SLC8A1: variants seen among roughly 807,000 people sequenced by gnomAD.
SLC8A1 encodes solute carrier family 8 member A1, also known as sodium/calcium exchanger 1.
Under a neutral mutation model 68.3 loss-of-function variants are expected in SLC8A1, and 18 were observed. The ratio of observed to expected loss-of-function variants is 0.26; its 90% CI spans 0.18 to 0.39. The LOEUF is 0.39. Ranked by LOEUF, SLC8A1 falls within the 10% of genes least tolerant of loss-of-function variation. The probability of loss-of-function intolerance (pLI) is 1.00; values close to 1 mark genes in which losing one functional copy is unlikely to be tolerated. For missense variants in SLC8A1, 985 were observed against 1,156.7 expected, an observed-to-expected ratio of 0.85 and a Z score of 2.15; for synonymous variants, 475 against 415.5, an observed-to-expected ratio of 1.14 and a Z score of -1.74.
intron 2 of SLC8A1, among the ~76,000 whole-genome samples, chr2:40,291,903 C>G (rs1309788022): frequency 1.4e-5 from 2 of 138,242 alleles, no homozygotes; most frequent in Non-Finnish European, 3.2e-5. Context: ...GACATCTTTA[C>G]TTTTTTTTTT....
intron 6 of SLC8A1, among the ~76,000 whole-genome samples, chr2:40,144,509 T>C (rs1325975059): frequency 2.0e-5 from 3 of 152,026 alleles, no homozygotes; most frequent in Non-Finnish European, 4.4e-5. Flanking sequence ...TATCACATAT[T>C]GATTCGAAGT....
At chr2:40,240,638 C>A (rs184676577) in intron 2 of SLC8A1, among the ~76,000 whole-genome samples, 24 of 152,306 alleles carry the variant, frequency 1.6e-4, no homozygotes, top group African/African-American at 4.6e-4. Context: ...CTATGCAAAG[C>A]CATATAAATC....
At chr2:40,366,872 C>G (rs1283356548) in intron 2 of SLC8A1, among the ~76,000 whole-genome samples, 2 of 151,772 alleles carry the variant, frequency 1.3e-5, no homozygotes, top group Non-Finnish European at 2.9e-5. Context: ...GAGAATGTGG[C>G]AGCAATCCCA....
chr2:40,288,663 A>G (rs1465334057), intron 2 of SLC8A1, among the ~76,000 whole-genome samples: 1 of 151,970 alleles, frequency 6.6e-6, no homozygotes, highest in African/African-American at 2.4e-5. Flanking sequence ...TCATCCGCAT[A>G]GTATTTACAT....
At chr2:40,170,505 G>C (rs1573508721) in intron 4 of SLC8A1, among the ~76,000 whole-genome samples, 156 bp from the exon 7 acceptor site, 1 of 152,314 alleles carries the variant, frequency 6.6e-6, no homozygotes, top group Non-Finnish European at 1.5e-5. Context: ...CCCCTAGGTA[G>C]GTCACAGAAG....
At chr2:40,268,528 C>T (rs994308829) in intron 2 of SLC8A1, among the ~76,000 whole-genome samples, 1 of 152,288 alleles carries the variant, frequency 6.6e-6, no homozygotes, top group East Asian at 1.9e-4. Context: ...TGGTACCCCC[C>T]ATTAATGTTA....
chr2:40,379,681 C>T (rs555042274), intron 2 of SLC8A1, among the ~76,000 whole-genome samples: 103 of 151,826 alleles, frequency 6.8e-4, no homozygotes, highest in Middle Eastern at 6.8e-3. Flanking sequence ...GTCTGTTTAC[C>T]GCATCACCAT....
At chr2:40,130,195 T>A (rs866690814) in intron 7 of SLC8A1, among the ~76,000 whole-genome samples, 5 of 152,220 alleles carry the variant, frequency 3.3e-5, no homozygotes, top group Admixed American at 6.5e-5. Flanking sequence ...TTTCCCAGGT[T>A]TTTACAGAAT....
intron 2 of SLC8A1, among the ~76,000 whole-genome samples, chr2:40,253,041 GTATATGTA>G (rs1456433090): frequency 1.0e-4 from 3 of 29,318 alleles, no homozygotes; most frequent in Non-Finnish European, 4.9e-4. Context: ...ATATGTATCA[GTATATGTA>G]TATATGTACA....
chr2:40,277,648 C>T (rs7571216), intron 2 of SLC8A1, among the ~76,000 whole-genome samples: 41,326 of 151,212 alleles, frequency 0.27, 7,043 homozygotes, highest in African/African-American at 0.47. Flanking sequence ...CTTAGCCCAG[C>T]ATCTGAAATG....
chr2:40,217,936 G>GAA (rs144415183), intron 2 of SLC8A1, among the ~76,000 whole-genome samples: 1 of 151,140 alleles, frequency 6.6e-6, no homozygotes, highest in Middle Eastern at 3.5e-3. Flanking sequence ...TGTATTCTGA[G>GAA]ATAAAATAGC....
At chr2:40,347,249 C>T (rs543127093) in intron 2 of SLC8A1, among the ~76,000 whole-genome samples, 15 of 152,342 alleles carry the variant, frequency 9.8e-5, no homozygotes, top group Admixed American at 6.5e-4. Flanking sequence ...ATCGTTCCAA[C>T]CTTGGCCTCC....
intron 2 of SLC8A1, chr2:40,255,028 T>C (rs957194583): frequency 3.0e-4 from 45 of 151,270 alleles, no homozygotes; most frequent in African/African-American, 1.1e-3. Context: ...CTTGACTGTC[T>C]TCATTCTTTG....
intron 2 of SLC8A1, among the ~76,000 whole-genome samples, chr2:40,341,643 C>T (rs1667727435): frequency 6.6e-6 from 1 of 152,202 alleles, no homozygotes; most frequent in Admixed American, 6.5e-5. Flanking sequence ...CTAAGCCTCA[C>T]TTCTTCCAAC....
chr2:40,117,393 A>AG (rs1491148795), intron 7 of SLC8A1, among the ~76,000 whole-genome samples: 1 of 9,514 alleles, frequency 1.1e-4, no homozygotes. Flanking sequence ...CTAAAAATAC[A>AG]AAAAAAAAAA....
chr2:40,236,320 C>T (rs1454310755), intron 2 of SLC8A1, among the ~76,000 whole-genome samples: 6 of 152,174 alleles, frequency 3.9e-5, no homozygotes, highest in African/African-American at 1.4e-4. Context: ...ATAGTTAGCT[C>T]TTCTTGTTGA....
At chr2:40,511,695 A>C (rs894946495) in intron 1 of SLC8A1, among the ~76,000 whole-genome samples, 5 of 152,174 alleles carry the variant, frequency 3.3e-5, no homozygotes, top group African/African-American at 1.2e-4. Context: ...TAGAAAAAAA[A>C]GAAAGAAGAC....
At chr2:40,158,873 C>T (rs1318641622) in intron 6 of SLC8A1, among the ~76,000 whole-genome samples, 2 of 152,146 alleles carry the variant, frequency 1.3e-5, no homozygotes, top group Non-Finnish European at 2.9e-5. Context: ...TTAAGTAAGG[C>T]AGTATTAACA....
chr2:40,306,617 A>C (rs185943759), intron 2 of SLC8A1, among the ~76,000 whole-genome samples: 1 of 152,314 alleles, frequency 6.6e-6, no homozygotes, highest in Admixed American at 6.5e-5. Context: ...TTGCCAAAGG[A>C]AAGTGTGACA....
Sources: allele counts gnomAD v4.1 joint callset (sites outside exome capture counted in the v4.1 genomes callset), GRCh38; gene constraint gnomAD v4.1.1; transcripts MANE v1.5; gene names NCBI Gene and HGNC (gene_info 2026-07-23, HGNC 2026-07-21).